DPP6: variants seen among roughly 807,000 people sequenced by gnomAD.
The protein encoded by DPP6 is A-type potassium channel modulatory protein DPP6.
DPP6 carries 69 observed loss-of-function variants against 122.6 expected under a neutral mutation model. That is an observed-to-expected ratio of 0.56 (90% CI 0.46 to 0.69). The LOEUF is 0.69. Ranked by LOEUF, DPP6 falls within the 30% of genes least tolerant of loss-of-function variation. The pLI is 0.00. For missense variants in DPP6, 928 were observed against 1,116.9 expected, an observed-to-expected ratio of 0.83 and a Z score of 2.41; for synonymous variants, 418 against 433.1, an observed-to-expected ratio of 0.97 and a Z score of 0.43.
At chr7:153,952,312 A>G (rs1434092305) in intron 1 of DPP6, among the ~76,000 whole-genome samples, 1 of 152,220 alleles carries the variant, frequency 6.6e-6, no homozygotes, top group Non-Finnish European at 1.5e-5. Flanking sequence ...ACATTGTGAA[A>G]TAGACATTTT....
intron 1 of DPP6, among the ~76,000 whole-genome samples, chr7:153,932,880 C>G (rs1053455371): frequency 2.0e-5 from 3 of 152,154 alleles, no homozygotes; most frequent in Admixed American, 6.5e-5. Flanking sequence ...ATAATCCCCA[C>G]GTGTTATGGG....
rs1270392740 is a variant in DPP6 at position 154,498,201 on chromosome 7, CAAAAG to C, written c.457+23165_457+23169del. 2.0e-5 allele frequency among the ~76,000 whole-genome samples: 3 copies of C among 152,052 alleles called. No homozygotes were observed. The South Asian group carries it at 6.2e-4, about 32-fold the overall frequency. ...CTAAGCTTAGAAGCAGTCGAGAACACAAAAGGAAAGAAAGGAGAGTGAGGTACTTG... is the reference window on the plus strand; with the variant it reads ...CTAAGCTTAGAAGCAGTCGAGAACACGAAAGAAAGGAGAGTGAGGTACTTG... On this transcript the variant is annotated intron_variant, in intron 3 of 25. Coordinates refer to ENST00000377770, the MANE Select transcript of DPP6 (RefSeq NM_130797.4).
Position 154,877,405 on chromosome 7 carries a change from G to GCACA in DPP6, c.2078+1329_2078+1332dup, listed in dbSNP as rs3837065. Among the ~76,000 whole-genome samples, 243 of 149,888 alleles carry GCACA rather than the reference G, an allele frequency of 1.6e-3. 2 individuals are homozygous for GCACA. The highest frequency in any genetic ancestry group is 7.0e-3 in the Middle Eastern group (2 of 284). ...TGACTACAACAACACATGTGTGCGTGCACACACACACACACACACACACAC... is the reference window on the plus strand; with the variant it reads ...TGACTACAACAACACATGTGTGCGTGCACACACACACACACACACACACACACAC... On this transcript the variant is annotated intron_variant, in intron 20 of 25. Coordinates refer to ENST00000377770, the MANE Select transcript of DPP6 (RefSeq NM_130797.4). This position sits in a 1 kb window ranked among gnomAD's most constrained non-coding sequence, Gnocchi z 5.2.
At chr7:154,521,501 T>C (rs1373184241) in intron 3 of DPP6, among the ~76,000 whole-genome samples, 1 of 152,018 alleles carries the variant, frequency 6.6e-6, no homozygotes, top group African/African-American at 2.4e-5. Context: ...TTAAGGCACA[T>C]AAAAATTGAA....
At chr7:154,387,798 G>T (rs924768219) in intron 1 of DPP6, among the ~76,000 whole-genome samples, 1 of 152,172 alleles carries the variant, frequency 6.6e-6, no homozygotes, top group Non-Finnish European at 1.5e-5. Context: ...ACCAGGAGAA[G>T]CTGGTGACTA....
At chr7:153,906,525 G>A (rs966791039) in intron 1 of DPP6, among the ~76,000 whole-genome samples, 3 of 152,108 alleles carry the variant, frequency 2.0e-5, no homozygotes, top group African/African-American at 2.4e-5. Flanking sequence ...ATCTTGGCTC[G>A]CTGCAGCCTC....
chr7:154,497,619 A>G (rs1047887140), intron 3 of DPP6, among the ~76,000 whole-genome samples: 3 of 67,650 alleles, frequency 4.4e-5, no homozygotes, highest in Non-Finnish European at 1.5e-4. Flanking sequence ...CAAAAAAAGA[A>G]AAAAAAAAAG....
chr7:154,562,021 A>G (rs1013807236), intron 4 of DPP6, among the ~76,000 whole-genome samples: 3 of 152,194 alleles, frequency 2.0e-5, no homozygotes, highest in Non-Finnish European at 4.4e-5. Flanking sequence ...TTTATGTAAG[A>G]AATAGTACCA....
chr7:154,339,124 C>T (rs1809691234), intron 1 of DPP6, among the ~76,000 whole-genome samples: 1 of 152,176 alleles, frequency 6.6e-6, no homozygotes, highest in South Asian at 2.1e-4. Flanking sequence ...TTGGTGGTCA[C>T]TGCATGTAAT....
At chr7:154,773,142 T>TTTACC (rs1371346581) in intron 10 of DPP6, among the ~76,000 whole-genome samples, 200 bp downstream of exon 10, 1 of 152,208 alleles carries the variant, frequency 6.6e-6, no homozygotes, top group Non-Finnish European at 1.5e-5. Flanking sequence ...ACTATTATTT[T>TTTACC]TTACCTTAGG....
the DPP6 span, among the ~76,000 whole-genome samples, chr7:153,786,607 C>CAG: frequency 6.6e-6 from 1 of 151,538 alleles, no homozygotes; most frequent in Admixed American, 6.6e-5. Context: ...GGCGTGGTGG[C>CAG]GCGCACCTGT....
intron 5 of DPP6, among the ~76,000 whole-genome samples, chr7:154,574,798 GT>G (rs1831410749): frequency 1.0e-5 from 1 of 96,344 alleles, no homozygotes. Flanking sequence ...TGTGTGGTGT[GT>G]GTTTGTGTGT....
At chr7:154,028,737 C>T (rs1434375404) in intron 1 of DPP6, among the ~76,000 whole-genome samples, 2 of 152,296 alleles carry the variant, frequency 1.3e-5, no homozygotes, top group South Asian at 2.1e-4. Flanking sequence ...CTGCCTGCTC[C>T]GATCTTTCAC....
At chr7:154,683,202 C>T (rs1364233360) in intron 7 of DPP6, among the ~76,000 whole-genome samples, 1 of 152,162 alleles carries the variant, frequency 6.6e-6, no homozygotes, top group African/African-American at 2.4e-5. Context: ...TTAACGTACA[C>T]TATGCATGTT....
intron 1 of DPP6, among the ~76,000 whole-genome samples, chr7:154,072,898 C>T (rs1478579558): frequency 2.0e-5 from 3 of 152,256 alleles, no homozygotes; most frequent in East Asian, 3.9e-4. Context: ...GCTCTTCCCA[C>T]GGGTATGGTT....
Position 154,821,639 on chromosome 7 carries a change from TATATATACACATATATATATATATACAC to T in DPP6, c.1666+14535_1666+14562del, listed in dbSNP as rs1799772747. 2.1e-5 allele frequency among the ~76,000 whole-genome samples: 2 copies of T among 93,784 alleles called. No individual in the cohort carries two copies. Among genetic ancestry groups the T allele is most frequent in the Non-Finnish European group, 4.0e-5 (2 of 49,926 alleles). 61.5% of individuals were successfully genotyped at this position (93,784 alleles called of 152,430 possible). ...TATATTTTTTTTCTGTATATATATA[TATATATACACATATATATATATATACAC>T]ATATATATATACACACACATATATA... On this transcript the variant is annotated intron_variant, in intron 16 of 25. Coordinates refer to ENST00000377770, the MANE Select transcript of DPP6 (RefSeq NM_130797.4). This position sits in a 1 kb window ranked among gnomAD's most constrained non-coding sequence, Gnocchi z 4.2.
At chr7:154,822,812 C>T (rs537674332) in intron 16 of DPP6, among the ~76,000 whole-genome samples, 9 of 152,294 alleles carry the variant, frequency 5.9e-5, no homozygotes, top group South Asian at 4.1e-4. Context: ...CTCTCTTGCA[C>T]GTTTCACTCC....
At chr7:154,214,064 A>T (rs1799873441) in intron 1 of DPP6, among the ~76,000 whole-genome samples, 1 of 152,228 alleles carries the variant, frequency 6.6e-6, no homozygotes, top group Non-Finnish European at 1.5e-5. Context: ...GCCCCCAAGG[A>T]CAGCTGGCTG....
At chr7:153,871,492 C>T in the DPP6 span, among the ~76,000 whole-genome samples, 197 of 152,302 alleles carry the variant, frequency 1.3e-3, 3 homozygotes, top group African/African-American at 4.1e-3. Context: ...TTGTTAAGCC[C>T]GTTTGGAAAA....
Sources: allele counts gnomAD v4.1 joint callset (sites outside exome capture counted in the v4.1 genomes callset), GRCh38; gene constraint gnomAD v4.1.1; non-coding constraint Gnocchi (gnomAD v3.1); transcripts MANE v1.5; gene names NCBI Gene and HGNC (gene_info 2026-07-23, HGNC 2026-07-21).